The following GNAO1 variants were observed in gnomAD, a reference collection of about 807,000 sequenced individuals.
GNAO1 encodes the protein guanine nucleotide-binding protein G(o) subunit alpha.
For missense variants in GNAO1, 166 were observed against 478.7 expected (o/e 0.35, Z 6.10); for synonymous variants, 164 against 180.7 (o/e 0.91, Z 0.74).
intron 3 of GNAO1, among the ~76,000 whole-genome samples, chr16:56,320,507 G>C (rs1354796673): frequency 6.6e-6 from 1 of 152,220 alleles, no homozygotes; most frequent in Non-Finnish European, 1.5e-5. Flanking sequence ...CTCAGGTCTG[G>C]GTAGCTCCTG....
At chr16:56,254,783 C>T (rs1375470327) in intron 2 of GNAO1, among the ~76,000 whole-genome samples, 1 of 152,152 alleles carries the variant, frequency 6.6e-6, no homozygotes, top group Admixed American at 6.5e-5. Flanking sequence ...CAAATTTCAT[C>T]TTTTCCCCAT....
intron 3 of GNAO1, among the ~76,000 whole-genome samples, chr16:56,304,785 G>A (rs2550313): frequency 6.0e-4 from 91 of 152,326 alleles, no homozygotes; most frequent in African/African-American, 2.1e-3. Context: ...GAGTTTCACC[G>A]ACCAACCACT....
At chr16:56,268,980 G>A (rs2036985489) in intron 2 of GNAO1, among the ~76,000 whole-genome samples, 1 of 152,146 alleles carries the variant, frequency 6.6e-6, no homozygotes, top group Non-Finnish European at 1.5e-5. Context: ...GATGGCTTCA[G>A]GGGCCACGTC....
chr16:56,278,361 C>T (rs980442357), intron 3 of GNAO1, among the ~76,000 whole-genome samples: 8 of 152,208 alleles, frequency 5.3e-5, no homozygotes, highest in African/African-American at 1.7e-4. Context: ...TCAGGCACCC[C>T]CTTCCTGTAT....
intron 2 of GNAO1, chr16:56,194,083 G>A (rs1241512453): frequency 2.2e-6 from 1 of 456,378 alleles, no homozygotes. Context: ...CGGGTTCTAG[G>A]CGGCGCCATG....
intron 3 of GNAO1, among the ~76,000 whole-genome samples, chr16:56,312,114 T>C (rs980830193): frequency 8.5e-5 from 13 of 152,094 alleles, no homozygotes; most frequent in African/African-American, 2.9e-4. Context: ...CCCCACCTCC[T>C]ACTCACGGGC....
At chr16:56,347,551 A>G (rs920855002) in intron 6 of GNAO1, 47 of 985,476 alleles carry the variant, frequency 4.8e-5, no homozygotes, top group Middle Eastern at 5.2e-4. Flanking sequence ...CCTGTCAAAG[A>G]AGGGGCAGGC....
Position 56,356,191 on chromosome 16 carries a change from A to G in GNAO1, c.*117A>G, listed in dbSNP as rs1468413788. 6.5e-6 allele frequency: 1 copy of G among 152,672 alleles called. No individual in the cohort carries two copies. 9.5% of individuals were successfully genotyped at this position (152,672 alleles called of 1,614,324 possible). Reference sequence around the variant, plus strand: ...TAAGACACACAGCCTTTCTGTATCAAGCCCCTGTCTAACCTACGACCCCAG... The same window carrying G: ...TAAGACACACAGCCTTTCTGTATCAGGCCCCTGTCTAACCTACGACCCCAG... On this transcript the variant is annotated 3_prime_UTR_variant, in exon 9 of 9. Transcript: ENST00000262493.
chr16:56,347,157 C>T (rs1421620532), intron 6 of GNAO1: 50 of 985,278 alleles, frequency 5.1e-5, no homozygotes, highest in Non-Finnish European at 5.8e-5. Context: ...AGTGGCCTGC[C>T]CTCCTCCTTT....
chr16:56,322,155 C>G (rs139271187), intron 3 of GNAO1, among the ~76,000 whole-genome samples: 1 of 152,244 alleles, frequency 6.6e-6, no homozygotes, highest in East Asian at 1.9e-4. Context: ...TAATCACCTC[C>G]CAAAGGCCCC....
intron 2 of GNAO1, among the ~76,000 whole-genome samples, chr16:56,247,519 A>C: frequency 7.3e-6 from 1 of 136,914 alleles, no homozygotes; most frequent in East Asian, 2.1e-4. Flanking sequence ...CTAATCTCAC[A>C]TACTGGATTA....
intron 2 of GNAO1, among the ~76,000 whole-genome samples, chr16:56,208,541 A>G (rs1163940485): frequency 6.6e-6 from 1 of 152,170 alleles, no homozygotes; most frequent in African/African-American, 2.4e-5. Flanking sequence ...CTTCAACTGC[A>G]TTAGATAATA....
chr16:56,310,324 C>T (rs1468596733), intron 3 of GNAO1, among the ~76,000 whole-genome samples: 1 of 151,964 alleles, frequency 6.6e-6, no homozygotes, highest in Non-Finnish European at 1.5e-5. Flanking sequence ...GAGCAAGACC[C>T]CATCTAAGAA....
chr16:56,314,969 C>T (rs1286566439), intron 3 of GNAO1, among the ~76,000 whole-genome samples: 3 of 152,124 alleles, frequency 2.0e-5, no homozygotes, highest in African/African-American at 7.2e-5. Context: ...GCCCAAAGCT[C>T]TGAGATCCTG....
chr16:56,352,539 C>G (rs560747657), intron 7 of GNAO1: 65 of 152,344 alleles, frequency 4.3e-4, no homozygotes, highest in African/African-American at 1.4e-3. Context: ...TTGGCTCGGC[C>G]AGGAACCCAT....
chr16:56,207,051 T>G (rs1173735259), intron 2 of GNAO1, among the ~76,000 whole-genome samples: 1 of 152,280 alleles, frequency 6.6e-6, no homozygotes, highest in Admixed American at 6.5e-5. Context: ...CTCCTTACAT[T>G]TAAGTAGTCT....
chr16:56,272,363 C>A (rs1490611341), intron 2 of GNAO1, among the ~76,000 whole-genome samples: 1 of 152,106 alleles, frequency 6.6e-6, no homozygotes, highest in African/African-American at 2.4e-5. Context: ...ATTTTCTAGT[C>A]TTAAGTATTT....
At chr16:56,297,498 A>C (rs2037298104) in intron 3 of GNAO1, among the ~76,000 whole-genome samples, 1 of 149,484 alleles carries the variant, frequency 6.7e-6, no homozygotes, top group South Asian at 2.1e-4. Flanking sequence ...TGACATGGAC[A>C]CTGCGCACCT....
chr16:56,214,072 A>G (rs2036417531), intron 2 of GNAO1, among the ~76,000 whole-genome samples: 1 of 152,056 alleles, frequency 6.6e-6, no homozygotes, highest in Admixed American at 6.6e-5. Context: ...CCTTCCATGA[A>G]TGAAGGGGGT....
Sources: allele counts gnomAD v4.1 joint callset (sites outside exome capture counted in the v4.1 genomes callset), GRCh38; gene constraint gnomAD v4.1.1; transcripts MANE v1.5; gene names NCBI Gene and HGNC (gene_info 2026-07-23, HGNC 2026-07-21).